Variants in PDE8A observed in about 807,000 individuals in gnomAD.
PDE8A encodes phosphodiesterase 8A.
In PDE8A, 59 loss-of-function variants were observed where a neutral mutation model predicts 105.0. The ratio of observed to expected loss-of-function variants is 0.56; its 90% CI spans 0.46 to 0.70. The LOEUF (loss-of-function observed/expected upper bound fraction) is 0.70. Ranked by LOEUF, PDE8A falls within the 30% of genes least tolerant of loss-of-function variation. The probability of loss-of-function intolerance (pLI) is 0.00; values close to 1 mark genes in which losing one functional copy is unlikely to be tolerated. For missense variants in PDE8A, 1,014 were observed against 1,045.9 expected (o/e 0.97, Z 0.42); for synonymous variants, 355 against 371.9 (o/e 0.95, Z 0.52).
chr15:85,083,713 G>A (rs914477160), intron 6 of PDE8A, 69 bp downstream of exon 6: 23 of 970,982 alleles, frequency 2.4e-5, no homozygotes, highest in Non-Finnish European at 3.8e-5. Flanking sequence ...AACTTTGGTT[G>A]TGGGGAATAC....
At chr15:84,991,139 A>G (rs974580353) in intron 1 of PDE8A, among the ~76,000 whole-genome samples, 3 of 152,232 alleles carry the variant, frequency 2.0e-5, no homozygotes, top group African/African-American at 7.2e-5. Flanking sequence ...CAAGGCATTT[A>G]CATAAAGGAA....
intron 1 of PDE8A, among the ~76,000 whole-genome samples, chr15:85,021,557 C>T (rs1023557120): frequency 2.7e-5 from 4 of 149,742 alleles, no homozygotes; most frequent in African/African-American, 7.5e-5. Flanking sequence ...TACCCTGGCT[C>T]TTAAAAAAAA....
At chr15:85,020,871 A>G (rs2080414250) in intron 1 of PDE8A, among the ~76,000 whole-genome samples, 1 of 152,180 alleles carries the variant, frequency 6.6e-6, no homozygotes, top group African/African-American at 2.4e-5. Context: ...ATTCTCTATT[A>G]TCAATACTGT....
intron 1 of PDE8A, among the ~76,000 whole-genome samples, chr15:85,029,458 A>G (rs1242245799): frequency 6.7e-6 from 1 of 148,388 alleles, no homozygotes; most frequent in African/African-American, 2.5e-5. Context: ...TTGGAGCATC[A>G]GTCACAAATT....
At chr15:85,123,531 T>C (rs927929070) in intron 19 of PDE8A, among the ~76,000 whole-genome samples, 3 of 152,162 alleles carry the variant, frequency 2.0e-5, no homozygotes, top group South Asian at 2.1e-4. Flanking sequence ...GCATCCAGCA[T>C]GGGAGAAATG....
At chr15:85,041,520 A>G (rs2080807976) in intron 1 of PDE8A, among the ~76,000 whole-genome samples, 1 of 152,228 alleles carries the variant, frequency 6.6e-6, no homozygotes, top group Admixed American at 6.5e-5. Flanking sequence ...TTATGCACTT[A>G]TGACTACTAC....
intron 11 of PDE8A, among the ~76,000 whole-genome samples, chr15:85,101,389 G>A (rs1596520487): frequency 6.6e-6 from 1 of 152,140 alleles, no homozygotes; most frequent in South Asian, 2.1e-4. Flanking sequence ...AAATGTGAGC[G>A]GGAAAGCATT....
At chr15:85,032,313 A>G (rs1236419896) in intron 1 of PDE8A, among the ~76,000 whole-genome samples, 1 of 152,198 alleles carries the variant, frequency 6.6e-6, no homozygotes, top group Non-Finnish European at 1.5e-5. Context: ...ACCTGTAGAT[A>G]TTGTCCATCC....
intron 3 of PDE8A, among the ~76,000 whole-genome samples, chr15:85,070,180 G>T (rs549919075): frequency 1.3e-5 from 2 of 152,196 alleles, no homozygotes; most frequent in South Asian, 4.2e-4. Flanking sequence ...GCTTTTCATC[G>T]GTTGTTGACC....
chr15:85,100,292 G>C (rs1232956181), intron 11 of PDE8A, 94 bp downstream of exon 11: 1 of 1,107,582 alleles, frequency 9.0e-7, no homozygotes, highest in African/African-American at 1.6e-5. Flanking sequence ...GTGTAATGGT[G>C]GGATTTTCCT....
chr15:85,068,029 A>G (rs772655329), intron 3 of PDE8A, among the ~76,000 whole-genome samples: 23 of 151,362 alleles, frequency 1.5e-4, no homozygotes, highest in African/African-American at 2.9e-4. Flanking sequence ...AGCCATCATC[A>G]TTGTAGCCCA....
At chr15:85,015,034 C>T (rs530829213) in intron 1 of PDE8A, among the ~76,000 whole-genome samples, 1 of 152,202 alleles carries the variant, frequency 6.6e-6, no homozygotes, top group East Asian at 1.9e-4. Context: ...TAATTTCTGG[C>T]CTTTGTGTCT....
chr15:85,097,974 A>C lies in PDE8A; in HGVS notation c.879A>C (p.Lys293Asn). Reference protein sequence around the residue: ...GKEWQGIYYAKKKNGDNIQQN... With the variant: ...GKEWQGIYYANKKNGDNIQQN... ...AGTGGCAAGGAATTTACTATGCCAA[A>C]AAGAAAAACGGAGATAATATACAAC... The change falls in exon 9 of 22, where the codon AAA (lysine) becomes AAC (asparagine). Residue 293 changes from lysine (K) to asparagine (N), a missense_variant. Transcript: ENST00000394553. The C allele has an allele frequency of 6.3e-7, 1 of 1,598,008 alleles. No individual in the cohort carries two copies. Among genetic ancestry groups the C allele is most frequent in the Non-Finnish European group, 8.6e-7 (1 of 1,165,422 alleles).
At chr15:84,982,486 C>T in intron 1 of PDE8A, 138 bp downstream of exon 1, 1 of 478,780 alleles carries the variant, frequency 2.1e-6, no homozygotes, top group Non-Finnish European at 3.3e-6. Context: ...TTCTGATTGA[C>T]GCCAGTCTCC....
chr15:84,981,241 C>T (rs2142127439), upstream of PDE8A, among the ~76,000 whole-genome samples: 1 of 152,264 alleles, frequency 6.6e-6, no homozygotes, highest in East Asian at 1.9e-4. Flanking sequence ...CCCCGCCTGT[C>T]GTCGCCGCGC....
intron 1 of PDE8A, among the ~76,000 whole-genome samples, chr15:85,004,733 A>G (rs1245569317): frequency 6.6e-6 from 1 of 152,070 alleles, no homozygotes; most frequent in African/African-American, 2.4e-5. Flanking sequence ...TGTCAGTTCT[A>G]TGATGTTTCT....
chr15:85,035,586 G>A (rs2080692939), intron 1 of PDE8A, among the ~76,000 whole-genome samples: 1 of 151,992 alleles, frequency 6.6e-6, no homozygotes, highest in African/African-American at 2.4e-5. Flanking sequence ...TTTGTTTAAG[G>A]TGATTAGTTT....
chr15:84,991,913 C>T (rs556215366), intron 1 of PDE8A, among the ~76,000 whole-genome samples: 145 of 151,872 alleles, frequency 9.5e-4, no homozygotes, highest in Middle Eastern at 3.4e-3. Context: ...TTTGGGAGGC[C>T]GAGGCAGGAG....
chr15:85,003,447 ATGGGCAACAACTTTC>A (rs2080097167), intron 1 of PDE8A, among the ~76,000 whole-genome samples: 1 of 152,158 alleles, frequency 6.6e-6, no homozygotes, highest in Non-Finnish European at 1.5e-5. Context: ...GACCTCTGCG[ATGGGCAACAACTTTC>A]ACAGAACAGG....
Sources: allele counts gnomAD v4.1 joint callset (sites outside exome capture counted in the v4.1 genomes callset), GRCh38; gene constraint gnomAD v4.1.1; transcripts MANE v1.5; gene names NCBI Gene and HGNC (gene_info 2026-07-23, HGNC 2026-07-21).